Variants in DTNA observed in about 807,000 individuals in gnomAD.
DTNA encodes the protein dystrobrevin alpha, also known as dystrophin-related protein 3.
A neutral mutation model predicts 100.7 loss-of-function variants in DTNA; 43 were observed. The observed-to-expected ratio is 0.43, with a 90% CI of 0.33 to 0.55. DTNA has a LOEUF of 0.55. Among genes scored for constraint, DTNA ranks in the 20% least tolerant of loss-of-function variants. The pLI is 0.04. For missense variants in DTNA, 798 were observed against 953.9 expected (o/e 0.84, Z 2.15); for synonymous variants, 349 against 347.9 (o/e 1.00, Z -0.04).
rs868728945 is a variant in DTNA, at chr18:34,557,160, T to C, written c.-2+63646T>C. Among the ~76,000 whole-genome samples the C allele has an allele frequency of 9.1e-3, 1,361 of 149,688 alleles. 21 individuals are homozygous for C. The highest frequency in any genetic ancestry group is 0.032 in the African/African-American group (1,283 of 39,858). ...TACCCTTTCTTCCAGTTGATCGCATTGGCTCCTGAGGCTTCTGCATTCTTC... is the reference window on the plus strand; with the variant it reads ...TACCCTTTCTTCCAGTTGATCGCATCGGCTCCTGAGGCTTCTGCATTCTTC... On this transcript the variant is annotated intron_variant, in intron 1 of 19. Transcript: ENST00000283365.
intron 1 of DTNA, among the ~76,000 whole-genome samples, chr18:34,678,665 G>A (rs1164852797): frequency 1.3e-5 from 2 of 152,140 alleles, no homozygotes; most frequent in Non-Finnish European, 2.9e-5. Flanking sequence ...AGAGAACACT[G>A]GGGAGGACTG....
intron 1 of DTNA, among the ~76,000 whole-genome samples, chr18:34,655,480 T>C (rs192881726): frequency 3.4e-4 from 52 of 152,342 alleles, no homozygotes; most frequent in Middle Eastern, 3.4e-3. Context: ...CTGAGTATTA[T>C]GTTCACCTGT....
intron 1 of DTNA, among the ~76,000 whole-genome samples, chr18:34,631,122 A>G (rs895321895): frequency 2.0e-5 from 3 of 152,192 alleles, no homozygotes; most frequent in East Asian, 3.9e-4. Flanking sequence ...TAGTTTTGCT[A>G]TGCATTTTAT....
intron 1 of DTNA, among the ~76,000 whole-genome samples, chr18:34,511,000 T>C (rs1328032196): frequency 2.6e-5 from 4 of 152,068 alleles, no homozygotes; most frequent in African/African-American, 9.7e-5. Flanking sequence ...TTTCAGTGAA[T>C]TCATGAAAGT....
intron 1 of DTNA, among the ~76,000 whole-genome samples, chr18:34,687,300 A>T (rs1329875224): frequency 6.6e-6 from 1 of 152,066 alleles, no homozygotes; most frequent in East Asian, 1.9e-4. Context: ...TTTCCCTCTA[A>T]ACACTGTATA....
chr18:34,655,136 AG>A (rs1343545339), intron 1 of DTNA, among the ~76,000 whole-genome samples: 2 of 152,108 alleles, frequency 1.3e-5, no homozygotes, highest in Admixed American at 1.3e-4. Flanking sequence ...TATTAAATCC[AG>A]CAAAAATGTA....
At chr18:34,565,482 A>G (rs1003518826) in intron 1 of DTNA, among the ~76,000 whole-genome samples, 1 of 152,158 alleles carries the variant, frequency 6.6e-6, no homozygotes, top group Non-Finnish European at 1.5e-5. Context: ...AAAAACAGAC[A>G]TTTATTTTGC....
At chr18:34,511,127 A>G (rs1459336898) in intron 1 of DTNA, among the ~76,000 whole-genome samples, 1 of 152,076 alleles carries the variant, frequency 6.6e-6, no homozygotes, top group Non-Finnish European at 1.5e-5. Flanking sequence ...CACAATTAGA[A>G]TTGTCATTGT....
At chr18:34,860,183 A>AT (rs1289632334) in intron 16 of DTNA, among the ~76,000 whole-genome samples, 1 of 133,844 alleles carries the variant, frequency 7.5e-6, no homozygotes, top group African/African-American at 2.8e-5. Flanking sequence ...AGTAGCTGGG[A>AT]TTACAGGCGC....
At chr18:34,635,101 A>T (rs2058522222) in intron 1 of DTNA, among the ~76,000 whole-genome samples, 1 of 152,124 alleles carries the variant, frequency 6.6e-6, no homozygotes, top group South Asian at 2.1e-4. Flanking sequence ...TAGATTCCAC[A>T]TTTGAGATCA....
intron 1 of DTNA, among the ~76,000 whole-genome samples, chr18:34,541,985 G>A (rs1241743883): frequency 6.6e-6 from 1 of 152,008 alleles, no homozygotes; most frequent in African/African-American, 2.4e-5. Flanking sequence ...TTGTGCATGG[G>A]GAACAGGGAG....
intron 10 of DTNA, among the ~76,000 whole-genome samples, chr18:34,828,293 CAT>C (rs1460630396): frequency 7.2e-5 from 11 of 152,136 alleles, no homozygotes; most frequent in Middle Eastern, 3.2e-3. Flanking sequence ...TAGCATCAGA[CAT>C]ATGCAGGGTC....
chr18:34,502,806 G>A (rs1346670242), intron 1 of DTNA, among the ~76,000 whole-genome samples: 2 of 152,116 alleles, frequency 1.3e-5, no homozygotes, highest in East Asian at 3.8e-4. Context: ...ATGTTCCAAG[G>A]GCACTAGAAA....
intron 1 of DTNA, among the ~76,000 whole-genome samples, chr18:34,576,689 C>A (rs892051842): frequency 6.6e-6 from 1 of 152,122 alleles, no homozygotes; most frequent in African/African-American, 2.4e-5. Context: ...GAATTCCCAA[C>A]CTCAGGTGAT....
chr18:34,785,798 C>T (rs563031996), intron 3 of DTNA, among the ~76,000 whole-genome samples: 28 of 134,824 alleles, frequency 2.1e-4, no homozygotes, highest in Non-Finnish European at 6.3e-5. Context: ...CCTCCCTCTC[C>T]GACACACATG....
intron 11 of DTNA, among the ~76,000 whole-genome samples, chr18:34,830,949 T>C (rs2095994134): frequency 6.6e-6 from 1 of 152,152 alleles, no homozygotes; most frequent in African/African-American, 2.4e-5. Context: ...TGAAAGTTAG[T>C]GTATTATTAT....
intron 2 of DTNA, among the ~76,000 whole-genome samples, chr18:34,763,722 G>A (rs1467831009): frequency 6.6e-6 from 1 of 152,126 alleles, no homozygotes; most frequent in African/African-American, 2.4e-5. Context: ...AGAGATATTA[G>A]CCAGTCACAG....
At chr18:34,664,779 A>T (rs966279683) in intron 1 of DTNA, among the ~76,000 whole-genome samples, 2 of 152,134 alleles carry the variant, frequency 1.3e-5, no homozygotes, top group African/African-American at 4.8e-5. Context: ...AAATATTTTT[A>T]AAGTTTATAA....
intron 1 of DTNA, among the ~76,000 whole-genome samples, chr18:34,644,451 A>G (rs1659526): frequency 0.2 from 29,959 of 152,128 alleles, 4,435 homozygotes; most frequent in African/African-American, 0.42. Context: ...TCATTAGTTT[A>G]AAAGGCTTTC....
Sources: allele counts gnomAD v4.1 joint callset (sites outside exome capture counted in the v4.1 genomes callset), GRCh38; gene constraint gnomAD v4.1.1; transcripts MANE v1.5; gene names NCBI Gene and HGNC (gene_info 2026-07-23, HGNC 2026-07-21).